TADA2A: variants seen among roughly 807,000 people sequenced by gnomAD.
The protein encoded by TADA2A is transcriptional adapter 2-alpha.
A neutral mutation model predicts 67.4 loss-of-function variants in TADA2A; 38 were observed. The observed-to-expected ratio is 0.56, with a 90% CI of 0.44 to 0.74. TADA2A has a LOEUF of 0.74. Ranked by LOEUF, TADA2A falls within the 30% of genes least tolerant of loss-of-function variation. The pLI is 0.00. For synonymous variants in TADA2A, 192 were observed against 181.6 expected (o/e 1.06, Z -0.46); for missense variants, 454 against 547.0 (o/e 0.83, Z 1.70).
rs540540890 is a variant in TADA2A at position 37,437,724 on chromosome 17, T to G, written c.193-14T>G. 1 of 1,613,390 alleles carries G rather than the reference T, an allele frequency of 6.2e-7. No homozygotes were observed. The highest frequency in any genetic ancestry group is 1.3e-5 in the African/African-American group (1 of 75,000). On this transcript the variant is annotated splice_polypyrimidine_tract_variant and intron_variant, in intron 4 of 15. Coordinates refer to ENST00000615182, the MANE Select transcript of TADA2A (RefSeq NM_001166105.3). Reference sequence around the variant, plus strand: ...TTGTATCTCTGTTCTTAAGCAAAACTTTTTTCTCCTTAGACTTCAGATTTT... The same window carrying G: ...TTGTATCTCTGTTCTTAAGCAAAACGTTTTTCTCCTTAGACTTCAGATTTT...
At position 37,409,920 on chromosome 17, in the gene TADA2A, C is replaced by A. The variant is rs189847995; in HGVS notation, c.-97-1349C>A. Among the ~76,000 whole-genome samples the A allele has an allele frequency of 1.5e-3, 232 of 152,078 alleles. 1 individual carries two copies. Among genetic ancestry groups the A allele is most frequent in the African/African-American group, 5.4e-3 (223 of 41,482 alleles). On this transcript the variant is annotated intron_variant, in intron 1 of 15. Coordinates refer to ENST00000615182, the MANE Select transcript of TADA2A (RefSeq NM_001166105.3). ...CACTTGTAATCCCAGCACTCCAGCA[C>A]TTTTGGAGGCCGAGGTGGGCGGATC... is the stretch of plus-strand genomic sequence containing the variant.
chr17:37,458,681 C>CTG (rs1436352461), intron 9 of TADA2A, 94 bp downstream of exon 9: 2 of 1,043,714 alleles, frequency 1.9e-6, no homozygotes, highest in Non-Finnish European at 2.7e-6. Context: ...GTGTCTGTGT[C>CTG]TGTGTCTGTG....
chr17:37,451,541 C>G (rs544790904), intron 8 of TADA2A, among the ~76,000 whole-genome samples: 1 of 151,964 alleles, frequency 6.6e-6, no homozygotes, highest in Middle Eastern at 3.2e-3. Context: ...AGGCTGGTCT[C>G]GAACTCCTAA....
At chr17:37,439,946 T>TTA (rs56014368) in intron 5 of TADA2A, among the ~76,000 whole-genome samples, 2 of 18,140 alleles carry the variant, frequency 1.1e-4, no homozygotes, top group Non-Finnish European at 2.2e-4. Context: ...TTATTTATTA[T>TTA]TTTTTTTTTT....
chr17:37,441,060 A>C (rs993281696), intron 6 of TADA2A, among the ~76,000 whole-genome samples: 3 of 151,004 alleles, frequency 2.0e-5, no homozygotes, highest in Non-Finnish European at 4.4e-5. Context: ...ACATCACTGC[A>C]CTCCAACCTG....
chr17:37,450,669 T>A (rs1053797791), intron 8 of TADA2A: 1 of 152,272 alleles, frequency 6.6e-6, no homozygotes, highest in African/African-American at 2.4e-5. Context: ...TGTTTGTTTA[T>A]TTTTAATGAT....
chr17:37,471,295 C>G (rs532253466), intron 14 of TADA2A, among the ~76,000 whole-genome samples, 158 bp downstream of exon 14: 1 of 152,222 alleles, frequency 6.6e-6, no homozygotes, highest in South Asian at 2.1e-4. Flanking sequence ...AGTATGTTTT[C>G]AGAACCTTCA....
chr17:37,435,381 C>T (rs994978156), intron 4 of TADA2A, among the ~76,000 whole-genome samples: 8 of 152,272 alleles, frequency 5.3e-5, no homozygotes, highest in Non-Finnish European at 1.0e-4. Context: ...CTCCACCTCC[C>T]GGGTTCACGC....
chr17:37,420,590 G>A (rs1174405306), intron 2 of TADA2A, among the ~76,000 whole-genome samples: 1 of 145,232 alleles, frequency 6.9e-6, no homozygotes, highest in South Asian at 2.3e-4. Flanking sequence ...ATGGGGTTTC[G>A]CCATGCTGGT....
rs1253060759 is a variant in TADA2A, at chr17:37,458,533, T to C, written c.614T>C (p.Met205Thr). ...DDSDILHALK[M>T]AVVDIYHSRL... The stretch of plus-strand genomic sequence containing the variant: ...ATGAATTTATTTGTAGCTCTGAAGA[T>C]GGCTGTGGTAGATATCTATCATTCC... The change falls in exon 9 of 16, where the codon ATG becomes ACG. Residue 205 changes from methionine to threonine, a missense_variant. Physicochemically the swap from Met to Thr is moderately conservative, Grantham distance 81. Around this residue, in one of 2 missense-constraint regions of TADA2A, gnomAD observed 403 missense variants for 455.5 expected, o/e 0.88. Transcript: ENST00000615182. The C allele has an allele frequency of 6.2e-7, 1 of 1,612,330 alleles. No homozygotes were observed. The highest frequency in any genetic ancestry group is 2.2e-5 in the East Asian group (1 of 44,856).
chr17:37,455,943 C>G (rs2053380160), intron 8 of TADA2A, among the ~76,000 whole-genome samples: 1 of 152,118 alleles, frequency 6.6e-6, no homozygotes, highest in Admixed American at 6.6e-5. Flanking sequence ...GTAGTTCACG[C>G]CTGTAATTCC....
intron 4 of TADA2A, among the ~76,000 whole-genome samples, chr17:37,433,548 A>G (rs2052633104): frequency 6.6e-6 from 1 of 151,982 alleles, no homozygotes; most frequent in Non-Finnish European, 1.5e-5. Flanking sequence ...ATTCTTAGCT[A>G]CTTGTATGGT....
intron 9 of TADA2A, 51 bp downstream of exon 9, chr17:37,458,638 TGTG>T (rs1463478381): frequency 9.2e-4 from 183 of 199,308 alleles, no homozygotes; most frequent in Middle Eastern, 3.0e-3. Context: ...ATTATTGTTT[TGTG>T]TGTGTGTGTG....
chr17:37,440,701 A>G, intron 6 of TADA2A, 39 bp downstream of exon 6: 2 of 1,609,888 alleles, frequency 1.2e-6, no homozygotes, highest in South Asian at 1.1e-5. Context: ...TACTTAGCTC[A>G]TCCTTGGGCC....
At chr17:37,470,171 T>C (rs184853176) in intron 12 of TADA2A, among the ~76,000 whole-genome samples, 14 of 152,292 alleles carry the variant, frequency 9.2e-5, no homozygotes, top group Non-Finnish European at 1.9e-4. Context: ...CCCTTATTTC[T>C]TACAGATAGA....
intron 8 of TADA2A, among the ~76,000 whole-genome samples, chr17:37,449,121 CGCCATTCTCCT>C (rs1568164922): frequency 2.0e-5 from 3 of 151,892 alleles, no homozygotes; most frequent in Non-Finnish European, 4.4e-5. Flanking sequence ...CCTGGGTTCA[CGCCATTCTCCT>C]GCCTCAGCCT....
chr17:37,437,916 A>G, intron 5 of TADA2A, 87 bp downstream of exon 5: 1 of 1,263,262 alleles, frequency 7.9e-7, no homozygotes, highest in East Asian at 2.3e-5. Context: ...AACCTCAGGA[A>G]GAGAAAGTAT....
Position 37,437,903 on chromosome 17 carries a change from A to G in TADA2A, c.284+74A>G, listed in dbSNP as rs998447230. 3 of 1,355,228 alleles carry G rather than the reference A, an allele frequency of 2.2e-6. No individual in the cohort carries two copies. The African/African-American group carries it at 4.4e-5, about 20-fold the overall frequency. 84.0% of individuals were successfully genotyped at this position (1,355,228 alleles called of 1,614,324 possible). Reference sequence around the variant, plus strand: ...GAAGCTGTTGTTGAAGAGTAAAGGAAGGAACCTCAGGAAGAGAAAGTATGT... The same window carrying G: ...GAAGCTGTTGTTGAAGAGTAAAGGAGGGAACCTCAGGAAGAGAAAGTATGT... On this transcript the variant is annotated intron_variant, in intron 5 of 15. Transcript: ENST00000615182.
chr17:37,435,205 T>C (rs1209668871), intron 4 of TADA2A, among the ~76,000 whole-genome samples: 1 of 152,244 alleles, frequency 6.6e-6, no homozygotes, highest in Non-Finnish European at 1.5e-5. Flanking sequence ...TTATTTTTCT[T>C]GTAAGATACA....
Sources: allele counts gnomAD v4.1 joint callset (sites outside exome capture counted in the v4.1 genomes callset), GRCh38; gene constraint gnomAD v4.1.1; regional missense constraint gnomAD v4.1.1; transcripts MANE v1.5; gene names NCBI Gene and HGNC (gene_info 2026-07-23, HGNC 2026-07-21).